HCN1: variants seen among roughly 807,000 people sequenced by gnomAD.
HCN1 encodes potassium/sodium hyperpolarization-activated cyclic nucleotide-gated channel 1.
Under a neutral mutation model 78.9 loss-of-function variants are expected in HCN1, and 13 were observed. That is an observed-to-expected ratio of 0.16 (90% CI 0.11 to 0.26). The LOEUF is 0.26. Among genes scored for constraint, HCN1 ranks in the 10% least tolerant of loss-of-function variants. The pLI is 1.00. For synonymous variants in HCN1, 552 were observed against 455.5 expected, an observed-to-expected ratio of 1.21 and a Z score of -2.70; for missense variants, 810 against 1,154.3, an observed-to-expected ratio of 0.70 and a Z score of 4.32.
chr5:45,467,887 T>G (rs1741309095), intron 2 of HCN1, among the ~76,000 whole-genome samples: 1 of 152,084 alleles, frequency 6.6e-6, no homozygotes, highest in Non-Finnish European at 1.5e-5. Context: ...TTCCTAATTC[T>G]TTTTTTCCCT....
intron 4 of HCN1, among the ~76,000 whole-genome samples, chr5:45,358,819 G>T (rs558915374): frequency 6.6e-6 from 1 of 152,108 alleles, no homozygotes; most frequent in Non-Finnish European, 1.5e-5. Flanking sequence ...CTGACGCCCC[G>T]CTTGTCCATG....
intron 2 of HCN1, among the ~76,000 whole-genome samples, chr5:45,571,943 GT>G (rs1209209754): frequency 2.0e-5 from 3 of 152,050 alleles, no homozygotes; most frequent in Non-Finnish European, 4.4e-5. Flanking sequence ...TATTTTAAAA[GT>G]CACTATGAGT....
intron 1 of HCN1, among the ~76,000 whole-genome samples, chr5:45,692,038 T>G (rs945591483): frequency 2.6e-5 from 4 of 152,184 alleles, no homozygotes; most frequent in African/African-American, 9.6e-5. Context: ...TGGCTGGCAA[T>G]ACATATGGAA....
chr5:45,388,978 T>C (rs946066633), intron 4 of HCN1, among the ~76,000 whole-genome samples: 1 of 152,126 alleles, frequency 6.6e-6, no homozygotes, highest in African/African-American at 2.4e-5. Flanking sequence ...CAGTTTTGCC[T>C]TCCTTTAATC....
intron 2 of HCN1, among the ~76,000 whole-genome samples, chr5:45,583,820 A>C (rs1053390006): frequency 3.9e-5 from 6 of 152,112 alleles, no homozygotes; most frequent in African/African-American, 1.4e-4. Flanking sequence ...TTCAGTTTCC[A>C]TGTAGTTGGC....
intron 6 of HCN1, among the ~76,000 whole-genome samples, chr5:45,296,823 T>A (rs1745502647): frequency 6.6e-6 from 1 of 152,020 alleles, no homozygotes. Context: ...TACAGAGAAC[T>A]CAGTGTCCAT....
intron 2 of HCN1, among the ~76,000 whole-genome samples, chr5:45,505,019 G>A (rs1159210890): frequency 3.3e-5 from 5 of 152,214 alleles, no homozygotes; most frequent in Admixed American, 3.3e-4. Context: ...CAGATGAGTA[G>A]ATTGCAAAAA....
At chr5:45,373,541 GTCATCTATAATATATATTACATACAT>G (rs1747486107) in intron 4 of HCN1, among the ~76,000 whole-genome samples, 4 of 136,596 alleles carry the variant, frequency 2.9e-5, no homozygotes, top group Non-Finnish European at 6.1e-5. Flanking sequence ...CATTATATAG[GTCATCTATAATATATATTACATACAT>G]TATATACGTC....
intron 3 of HCN1, among the ~76,000 whole-genome samples, chr5:45,401,917 C>A (rs973150774): frequency 6.6e-6 from 1 of 151,928 alleles, no homozygotes; most frequent in African/African-American, 2.4e-5. Flanking sequence ...GTTTAAAAAA[C>A]AAGGACCATC....
chr5:45,383,384 A>G (rs939319263), intron 4 of HCN1, among the ~76,000 whole-genome samples: 1 of 152,192 alleles, frequency 6.6e-6, no homozygotes, highest in African/African-American at 2.4e-5. Context: ...TAATTTCAAA[A>G]TCTACACCTA....
At chr5:45,426,794 T>C (rs905179378) in intron 3 of HCN1, among the ~76,000 whole-genome samples, 12 of 152,146 alleles carry the variant, frequency 7.9e-5, no homozygotes, top group Non-Finnish European at 2.9e-5. Flanking sequence ...TATTTAACTG[T>C]ACTAAAAATA....
chr5:45,605,573 T>C (rs138103078), intron 2 of HCN1, among the ~76,000 whole-genome samples: 1,694 of 151,966 alleles, frequency 0.011, 18 homozygotes, highest in Middle Eastern at 0.056. Context: ...GTGGACAGCA[T>C]TATCAAAATT....
intron 6 of HCN1, among the ~76,000 whole-genome samples, chr5:45,275,716 A>G (rs1167377679): frequency 1.3e-5 from 2 of 152,150 alleles, no homozygotes; most frequent in African/African-American, 4.8e-5. Flanking sequence ...GGTAGGAAAC[A>G]ATCTCAGGTA....
intron 5 of HCN1, among the ~76,000 whole-genome samples, chr5:45,314,637 C>T (rs1745937962): frequency 6.6e-6 from 1 of 152,150 alleles, no homozygotes; most frequent in East Asian, 1.9e-4. Flanking sequence ...GTGTTCCATT[C>T]AAGACCCATC....
chr5:45,604,973 A>G (rs534502888), intron 2 of HCN1, among the ~76,000 whole-genome samples: 1 of 152,170 alleles, frequency 6.6e-6, no homozygotes, highest in African/African-American at 2.4e-5. Context: ...CTCAGCAAAT[A>G]TGCAAATCTT....
chr5:45,623,328 CCT>C (rs1745104928), intron 2 of HCN1, among the ~76,000 whole-genome samples: 2 of 152,092 alleles, frequency 1.3e-5, no homozygotes, highest in African/African-American at 2.4e-5. Context: ...TGCAATCCTG[CCT>C]GCCACTAATC....
Position 45,664,903 on chromosome 5 carries a change from C to G in HCN1, c.426-19295G>C, listed in dbSNP as rs201703479. ...GAAGTCAGTGTGGCGATTCCTCAGG[C>G]ATCTAGAACTAGAAATACCATTTGA... On this transcript the variant is annotated intron_variant, in intron 1 of 7. Transcript: ENST00000303230. Among the ~76,000 whole-genome samples the G allele has an allele frequency of 6.9e-4, 102 of 147,904 alleles. 1 individual carries two copies. The East Asian group carries it at 0.015, about 21-fold the overall frequency.
chr5:45,585,047 CT>C (rs1443215260), intron 2 of HCN1, among the ~76,000 whole-genome samples: 1 of 152,180 alleles, frequency 6.6e-6, no homozygotes, highest in African/African-American at 2.4e-5. Context: ...GGGGCATTCT[CT>C]GTGTTTCCTG....
At chr5:45,604,122 CAGA>C (rs1167007918) in intron 2 of HCN1, among the ~76,000 whole-genome samples, 6 of 152,052 alleles carry the variant, frequency 3.9e-5, no homozygotes, top group Non-Finnish European at 8.8e-5. Context: ...ACTTTCCAGA[CAGA>C]ATTGACAGAA....
Sources: gnomAD v4.1 joint callset for allele counts (sites outside exome capture counted in the v4.1 genomes callset) on GRCh38, gnomAD v4.1.1 for gene constraint, MANE v1.5 for transcripts, NCBI Gene and HGNC (gene_info 2026-07-23, HGNC 2026-07-21) for gene names.